ROR2: variants seen among roughly 807,000 people sequenced by gnomAD.
The protein encoded by ROR2 is tyrosine-protein kinase transmembrane receptor ROR2.
ROR2 carries 33 observed loss-of-function variants against 74.9 expected under a neutral mutation model. The observed-to-expected ratio is 0.44, with a 90% confidence interval of 0.33 to 0.59. ROR2 has a LOEUF of 0.59. Among genes scored for constraint, ROR2 ranks in the 20% least tolerant of loss-of-function variants. ROR2 has a pLI of 0.02. For synonymous variants in ROR2, 586 were observed against 558.7 expected, an observed-to-expected ratio of 1.05 and a Z score of -0.69; for missense variants, 1,216 against 1,313.8, an observed-to-expected ratio of 0.93 and a Z score of 1.15.
At chr9:91,860,886 C>T (rs907504674) in intron 1 of ROR2, among the ~76,000 whole-genome samples, 2 of 152,096 alleles carry the variant, frequency 1.3e-5, no homozygotes, top group African/African-American at 4.8e-5. Context: ...CTTAGTCTAG[C>T]GGACACCTAA....
intron 1 of ROR2, among the ~76,000 whole-genome samples, chr9:91,776,078 A>C (rs1412222605): frequency 2.6e-5 from 4 of 152,220 alleles, no homozygotes; most frequent in African/African-American, 9.6e-5. Flanking sequence ...GAAATAAGTC[A>C]GTGGAGCCTG....
intron 1 of ROR2, among the ~76,000 whole-genome samples, chr9:91,897,093 G>GT (rs1002800512): frequency 6.6e-6 from 1 of 152,210 alleles, no homozygotes; most frequent in Non-Finnish European, 1.5e-5. Context: ...CGTAGACCCC[G>GT]TAAGTGCATA....
At chr9:91,826,526 A>G (rs1828295440) in intron 1 of ROR2, among the ~76,000 whole-genome samples, 2 of 152,226 alleles carry the variant, frequency 1.3e-5, no homozygotes, top group Admixed American at 1.3e-4. Flanking sequence ...TCACACCCGT[A>G]ATCCCACCAC....
At chr9:91,852,115 T>G (rs1251327438) in intron 1 of ROR2, among the ~76,000 whole-genome samples, 1 of 151,962 alleles carries the variant, frequency 6.6e-6, no homozygotes, top group African/African-American at 2.4e-5. Flanking sequence ...CTGCTACTGG[T>G]TTTTTTTCTA....
chr9:91,935,633 G>C (rs1831663178), intron 1 of ROR2, among the ~76,000 whole-genome samples: 5 of 152,224 alleles, frequency 3.3e-5, no homozygotes, highest in Admixed American at 3.3e-4. Context: ...CCTAGGACGG[G>C]CAGCACTAGG....
intron 4 of ROR2, among the ~76,000 whole-genome samples, chr9:91,743,181 T>C (rs954961894): frequency 6.6e-6 from 1 of 152,168 alleles, no homozygotes; most frequent in Non-Finnish European, 1.5e-5. Context: ...AAAAAATCTA[T>C]GAACTTGAAG....
At chr9:91,726,814 A>C in intron 7 of ROR2, 71 bp from the exon 8 acceptor site, 1 of 1,469,900 alleles carries the variant, frequency 6.8e-7, no homozygotes, top group Admixed American at 1.8e-5. Flanking sequence ...CTACCAACCC[A>C]CTCTCCACCT....
intron 1 of ROR2, among the ~76,000 whole-genome samples, chr9:91,881,937 G>C (rs2119366810): frequency 6.6e-6 from 1 of 152,304 alleles, no homozygotes; most frequent in Non-Finnish European, 1.5e-5. Flanking sequence ...CCTCAGGCTG[G>C]GCAGCAGTAT....
rs551758614 is a variant in ROR2 at position 91,825,250 on chromosome 9, C to T, written c.98-49432G>A. 4.6e-5 allele frequency among the ~76,000 whole-genome samples: 7 copies of T among 152,258 alleles called. No individual in the cohort carries two copies. In the East Asian group the frequency reaches 1.4e-3, roughly 29 times the overall value. ...GCAATAAAGTTAAAGCTTGCTCGAG[C>T]CACACCCCACTTGGGAGCAGATGCT... On this transcript the variant is annotated intron_variant, in intron 1 of 8. Coordinates refer to ENST00000375708, the MANE Select transcript of ROR2 (RefSeq NM_004560.4).
At chr9:91,807,310 G>T (rs1300855838) in intron 1 of ROR2, among the ~76,000 whole-genome samples, 1 of 152,234 alleles carries the variant, frequency 6.6e-6, no homozygotes, top group Non-Finnish European at 1.5e-5. Context: ...GGAAGGTGAA[G>T]AACTCATCCA....
chr9:91,834,797 C>A (rs1345622051), intron 1 of ROR2, among the ~76,000 whole-genome samples: 1 of 152,228 alleles, frequency 6.6e-6, no homozygotes. Flanking sequence ...CATCTGCACA[C>A]ACACAGGTTT....
chr9:91,824,463 T>C (rs1336583473), intron 1 of ROR2, among the ~76,000 whole-genome samples: 1 of 152,114 alleles, frequency 6.6e-6, no homozygotes, highest in Non-Finnish European at 1.5e-5. Context: ...GGGCAGGGCA[T>C]CCCCTCTGCA....
chr9:91,805,511 T>C (rs549709677), intron 1 of ROR2, among the ~76,000 whole-genome samples: 1 of 152,144 alleles, frequency 6.6e-6, no homozygotes, highest in East Asian at 1.9e-4. Context: ...GCAGGAAGCC[T>C]AAACAGGCTG....
Position 91,724,782 on chromosome 9 carries a change from T to A in ROR2, c.1712A>T (p.His571Leu). Residue 571 changes from histidine (H) to leucine (L), a missense_variant, in exon 9 of 9, where the codon CAC (histidine) becomes CTC (leucine). Physicochemically the swap from His to Leu is moderately conservative, Grantham distance 99 (BLOSUM62 -3). Coordinates refer to ENST00000375708, the MANE Select transcript of ROR2 (RefSeq NM_004560.4). ...ATCATCGGTGCTGCCCACGTCCGAG[T>A]GCGGCGAGCGCATGACCAGGAATTC... ...LHEFLVMRSP[H>L]SDVGSTDDDR... The A allele has an allele frequency of 6.2e-7, 1 of 1,611,948 alleles. No homozygotes were observed. The highest frequency in any genetic ancestry group is 8.5e-7 in the Non-Finnish European group (1 of 1,178,382).
intron 1 of ROR2, among the ~76,000 whole-genome samples, chr9:91,933,094 T>A (rs928353239): frequency 6.6e-6 from 1 of 152,084 alleles, no homozygotes; most frequent in Non-Finnish European, 1.5e-5. Flanking sequence ...AGGCGGATCA[T>A]GAGGTCAGAA....
chr9:91,874,143 A>G (rs1829885525), intron 1 of ROR2, among the ~76,000 whole-genome samples: 1 of 152,176 alleles, frequency 6.6e-6, no homozygotes. Context: ...GGCCTCAAGG[A>G]ATCACCCCAC....
intron 4 of ROR2, among the ~76,000 whole-genome samples, chr9:91,754,745 A>G (rs530266975): frequency 4.5e-4 from 68 of 152,318 alleles, no homozygotes; most frequent in African/African-American, 1.6e-3. Context: ...GCCTTTTTCC[A>G]AAGCCCCATA....
At chr9:91,841,104 C>T (rs565236353) in intron 1 of ROR2, among the ~76,000 whole-genome samples, 9 of 152,238 alleles carry the variant, frequency 5.9e-5, no homozygotes, top group African/African-American at 2.2e-4. Flanking sequence ...GCCATTGGCC[C>T]ATCAGTTGAC....
chr9:91,815,484 C>G (rs7022147), intron 1 of ROR2, among the ~76,000 whole-genome samples: 16,742 of 152,136 alleles, frequency 0.11, 2,452 homozygotes, highest in African/African-American at 0.33. Flanking sequence ...AATGTTCACA[C>G]GTAGAATGAA....
Sources: allele counts gnomAD v4.1 joint callset (sites outside exome capture counted in the v4.1 genomes callset), GRCh38; gene constraint gnomAD v4.1.1; transcripts MANE v1.5; gene names NCBI Gene and HGNC (gene_info 2026-07-23, HGNC 2026-07-21).